The following SGCZ variants were observed in gnomAD, a reference collection of about 807,000 sequenced individuals.
SGCZ encodes the protein sarcoglycan zeta.
SGCZ carries 40 observed loss-of-function variants against 41.3 expected under a neutral mutation model. The observed-to-expected ratio is 0.97, with a 90% CI of 0.75 to 1.26. The LOEUF is 1.26. Ranked by LOEUF, SGCZ falls within the 50% of genes most tolerant of loss-of-function variation. The pLI, the probability that SGCZ is intolerant of heterozygous loss-of-function variation, is 0.00. For missense variants in SGCZ, 552 were observed against 369.8 expected, an observed-to-expected ratio of 1.49 and a Z score of -4.04; for synonymous variants, 206 against 137.5, an observed-to-expected ratio of 1.50 and a Z score of -3.49.
At chr8:15,210,963 A>G (rs1331901363) in intron 1 of SGCZ, among the ~76,000 whole-genome samples, 1 of 151,786 alleles carries the variant, frequency 6.6e-6, no homozygotes, top group Non-Finnish European at 1.5e-5. Context: ...ATCTTGGATC[A>G]ATCCAACTGT....
chr8:14,722,207 A>G (rs1270672870), intron 1 of SGCZ, among the ~76,000 whole-genome samples: 1 of 152,120 alleles, frequency 6.6e-6, no homozygotes, highest in Non-Finnish European at 1.5e-5. Context: ...ATTAAACCAC[A>G]TGAGGGCATA....
At chr8:14,554,641 A>G (rs1803974386) in intron 2 of SGCZ, 91 bp downstream of exon 2, 2 of 1,016,398 alleles carry the variant, frequency 2.0e-6, no homozygotes, top group South Asian at 1.9e-5. Flanking sequence ...AAATATTGAT[A>G]TGAATAACTT....
At chr8:14,325,642 T>C (rs1420683310) in intron 2 of SGCZ, among the ~76,000 whole-genome samples, 2 of 146,392 alleles carry the variant, frequency 1.4e-5, no homozygotes, top group East Asian at 4.0e-4. Flanking sequence ...TATAATCACA[T>C]ATAATCAATG....
At chr8:14,759,419 G>C (rs1171188766) in intron 1 of SGCZ, among the ~76,000 whole-genome samples, 1 of 151,942 alleles carries the variant, frequency 6.6e-6, no homozygotes, top group East Asian at 1.9e-4. Flanking sequence ...ATTTTCCATT[G>C]TAGGTAGTCT....
intron 1 of SGCZ, among the ~76,000 whole-genome samples, chr8:15,084,825 C>T (rs1026995843): frequency 1.3e-5 from 2 of 152,068 alleles, no homozygotes; most frequent in South Asian, 4.1e-4. Flanking sequence ...TTTTTGGCTA[C>T]TGGACTCTCA....
intron 1 of SGCZ, among the ~76,000 whole-genome samples, chr8:14,717,405 T>A (rs547318780): frequency 6.6e-6 from 1 of 152,104 alleles, no homozygotes; most frequent in Non-Finnish European, 1.5e-5. Flanking sequence ...AAAATCAACA[T>A]TAAAATATAG....
chr8:15,110,929 T>C (rs11777265), intron 1 of SGCZ, among the ~76,000 whole-genome samples: 7,949 of 152,036 alleles, frequency 0.052, 258 homozygotes, highest in Middle Eastern at 0.12. Context: ...GGTCGCGCCA[T>C]TGCACTCCAG....
At chr8:14,522,525 T>A (rs970607193) in intron 2 of SGCZ, among the ~76,000 whole-genome samples, 1 of 151,946 alleles carries the variant, frequency 6.6e-6, no homozygotes, top group Non-Finnish European at 1.5e-5. Flanking sequence ...GCTTCTATTA[T>A]TTCCTTTTTT....
intron 2 of SGCZ, among the ~76,000 whole-genome samples, chr8:14,443,613 G>C (rs1203750602): frequency 6.6e-6 from 1 of 152,176 alleles, no homozygotes; most frequent in Non-Finnish European, 1.5e-5. Context: ...GCCATATGTA[G>C]AAAGCTGAAA....
At chr8:14,123,790 T>A (rs1802771400) in intron 5 of SGCZ, among the ~76,000 whole-genome samples, 1 of 152,198 alleles carries the variant, frequency 6.6e-6, no homozygotes, top group African/African-American at 2.4e-5. Flanking sequence ...TGTGAATATG[T>A]CACAGTTAAC....
chr8:14,280,489 A>G (rs1347602991), intron 3 of SGCZ, among the ~76,000 whole-genome samples: 1 of 151,906 alleles, frequency 6.6e-6, no homozygotes, highest in Non-Finnish European at 1.5e-5. Context: ...ATATAATTTT[A>G]TAATTAATCT....
At chr8:14,473,994 T>G (rs923194731) in intron 2 of SGCZ, among the ~76,000 whole-genome samples, 21 of 150,934 alleles carry the variant, frequency 1.4e-4, no homozygotes, top group Non-Finnish European at 2.8e-4. Context: ...ACCCCATGGG[T>G]ACTAGTTTTA....
intron 3 of SGCZ, among the ~76,000 whole-genome samples, chr8:14,283,933 T>C (rs1274687044): frequency 6.6e-6 from 1 of 152,228 alleles, no homozygotes; most frequent in Non-Finnish European, 1.5e-5. Context: ...TTAAAACTTA[T>C]TTTGTTGCTT....
At chr8:14,662,773 G>C (rs538447089) in intron 1 of SGCZ, among the ~76,000 whole-genome samples, 30 of 152,296 alleles carry the variant, frequency 2.0e-4, no homozygotes, top group Admixed American at 1.8e-3. Flanking sequence ...ATGGGCCCAA[G>C]GTAATCACAA....
intron 2 of SGCZ, among the ~76,000 whole-genome samples, chr8:14,332,340 TTGGGGCAGGAGAATGGTG>T (rs1563262348): frequency 6.6e-6 from 1 of 151,694 alleles, no homozygotes; most frequent in African/African-American, 2.4e-5. Context: ...ACTCAGGAGG[TTGGGGCAGGAGAATGGTG>T]TGAACCCGGG....
intron 4 of SGCZ, among the ~76,000 whole-genome samples, chr8:14,229,289 C>G (rs991780307): frequency 6.6e-6 from 1 of 152,134 alleles, no homozygotes. Flanking sequence ...ATAAATACTC[C>G]TTTGATACAA....
intron 1 of SGCZ, among the ~76,000 whole-genome samples, chr8:15,073,165 G>A (rs1449323177): frequency 6.6e-6 from 1 of 152,142 alleles, no homozygotes; most frequent in African/African-American, 2.4e-5. Flanking sequence ...GAAGGGAGCT[G>A]CAATCATGCT....
intron 5 of SGCZ, among the ~76,000 whole-genome samples, chr8:14,121,465 T>A (rs1802693905): frequency 6.6e-6 from 1 of 152,152 alleles, no homozygotes; most frequent in Non-Finnish European, 1.5e-5. Context: ...ACCCGTTTAA[T>A]TAATTGTTTT....
intron 1 of SGCZ, among the ~76,000 whole-genome samples, chr8:15,147,710 G>A (rs1799074018): frequency 6.6e-6 from 1 of 152,186 alleles, no homozygotes; most frequent in South Asian, 2.1e-4. Flanking sequence ...ACTGAGAGGA[G>A]GGGAGAAGGC....
Sources: allele counts gnomAD v4.1 joint callset (sites outside exome capture counted in the v4.1 genomes callset), GRCh38; gene constraint gnomAD v4.1.1; transcripts MANE v1.5; gene names NCBI Gene and HGNC (gene_info 2026-07-23, HGNC 2026-07-21).